GRM8: variants seen among roughly 807,000 people sequenced by gnomAD.
GRM8 encodes the protein metabotropic glutamate receptor 8.
In GRM8, 47 loss-of-function variants were observed where a neutral mutation model predicts 87.2. The ratio of observed to expected loss-of-function variants is 0.54; its 90% CI spans 0.43 to 0.69. The LOEUF (loss-of-function observed/expected upper bound fraction) is 0.69, where lower values mean the gene tolerates loss of function less well. GRM8 is among the 30% of genes least tolerant of loss of function. The pLI, the probability that GRM8 is intolerant of heterozygous loss-of-function variation, is 0.00. For missense variants in GRM8, 1,019 were observed against 1,139.2 expected, an observed-to-expected ratio of 0.89 and a Z score of 1.52; for synonymous variants, 396 against 404.5, an observed-to-expected ratio of 0.98 and a Z score of 0.25.
In GRM8 at chr7:127,216,535, CA is replaced by C. The variant is rs796757040; in HGVS notation, c.510+26159del. ...TCCGTCTCAAAAAAAAAAAAAAAAACAAAAAAAAAAAAAGAAGAAGCTGAGG... is the reference window on the plus strand; with the variant it reads ...TCCGTCTCAAAAAAAAAAAAAAAAACAAAAAAAAAAAAGAAGAAGCTGAGG... On this transcript the variant is annotated intron_variant, in intron 2 of 10. Coordinates refer to ENST00000339582, the MANE Select transcript of GRM8 (RefSeq NM_000845.3). 4.5e-3 allele frequency among the ~76,000 whole-genome samples: 523 copies of C among 115,938 alleles called. 1 individual carries two copies. Among genetic ancestry groups the C allele is most frequent in the Middle Eastern group, 0.018 (4 of 222 alleles). The allele number at this position is 115,938 out of a possible 152,430, so 76.1% of individuals were successfully genotyped here. A position where few individuals can be genotyped will look rare whatever the true frequency, so the allele number is the denominator to read the frequency against.
intron 7 of GRM8, among the ~76,000 whole-genome samples, chr7:126,654,854 CTTAA>C (rs1395603159): frequency 6.6e-6 from 1 of 151,962 alleles, no homozygotes; most frequent in Non-Finnish European, 1.5e-5. Context: ...CTTGGGAAAG[CTTAA>C]TTAATGAAGA....
rs1214997829 is a variant in GRM8, at chr7:126,576,646, T to C, written c.1494+32716A>G. Among the ~76,000 whole-genome samples the C allele has an allele frequency of 1.3e-5, 2 of 152,184 alleles. 1 individual carries two copies. Among genetic ancestry groups the C allele is most frequent in the Non-Finnish European group, 2.9e-5 (2 of 68,034 alleles). Reference sequence around the variant, plus strand: ...AAATCTCTTTCTTCTGTTAAACCTCTACAGAAATCCTCTATCAGCCCACAC... The same window carrying C: ...AAATCTCTTTCTTCTGTTAAACCTCCACAGAAATCCTCTATCAGCCCACAC... On this transcript the variant is annotated intron_variant, in intron 8 of 10. Transcript: ENST00000339582.
intron 7 of GRM8, among the ~76,000 whole-genome samples, chr7:126,618,327 T>G (rs1799749050): frequency 6.6e-6 from 1 of 152,172 alleles, no homozygotes; most frequent in African/African-American, 2.4e-5. Context: ...TAGCCATATG[T>G]AGAAAGCTCA....
At chr7:126,606,727 G>T (rs926870611) in intron 8 of GRM8, among the ~76,000 whole-genome samples, 1 of 152,090 alleles carries the variant, frequency 6.6e-6, no homozygotes, top group African/African-American at 2.4e-5. Flanking sequence ...AGTTATAAAT[G>T]ATCATAATCA....
intron 6 of GRM8, among the ~76,000 whole-genome samples, chr7:126,789,749 T>C (rs1821069798): frequency 6.6e-6 from 1 of 152,190 alleles, no homozygotes; most frequent in South Asian, 2.1e-4. Context: ...TCTAGTAAAA[T>C]AGAAAGTGCA....
chr7:126,617,066 A>G (rs1449159785), intron 7 of GRM8, among the ~76,000 whole-genome samples: 2 of 152,218 alleles, frequency 1.3e-5, no homozygotes, highest in African/African-American at 4.8e-5. Flanking sequence ...TGGCAGAGAC[A>G]CAACCAAAAA....
intron 2 of GRM8, among the ~76,000 whole-genome samples, chr7:127,184,709 A>G (rs1016409100): frequency 6.6e-6 from 1 of 151,960 alleles, no homozygotes; most frequent in Non-Finnish European, 1.5e-5. Flanking sequence ...CTTTATTCAC[A>G]ATTTTCTCTG....
At chr7:126,866,740 T>C (rs546952119) in intron 6 of GRM8, among the ~76,000 whole-genome samples, 1 of 151,792 alleles carries the variant, frequency 6.6e-6, no homozygotes, top group South Asian at 2.1e-4. Flanking sequence ...TACAGGTGCA[T>C]GCCACCATGC....
At chr7:127,008,002 C>T (rs2023640) in intron 3 of GRM8, among the ~76,000 whole-genome samples, 38,202 of 151,682 alleles carry the variant, frequency 0.25, 5,733 homozygotes, top group Non-Finnish European at 0.35. Context: ...CTGAAAATCA[C>T]CCACACTACT....
At chr7:127,032,012 GATT>G (rs1817423590) in intron 3 of GRM8, among the ~76,000 whole-genome samples, 1 of 152,062 alleles carries the variant, frequency 6.6e-6, no homozygotes, top group African/African-American at 2.4e-5. Flanking sequence ...CCAATTTGAA[GATT>G]ATTAGCTCTT....
chr7:126,530,568 A>G (rs6949287), intron 9 of GRM8, among the ~76,000 whole-genome samples: 56,026 of 152,086 alleles, frequency 0.37, 10,449 homozygotes, highest in Middle Eastern at 0.43. Flanking sequence ...AATGCTCAAT[A>G]AGGAGCTGCT....
chr7:126,883,421 TAAG>T (rs1800198249), intron 6 of GRM8, among the ~76,000 whole-genome samples: 1 of 152,194 alleles, frequency 6.6e-6, no homozygotes, highest in Admixed American at 6.6e-5. Context: ...AATTGTATGA[TAAG>T]AAGACATATG....
intron 7 of GRM8, among the ~76,000 whole-genome samples, chr7:126,690,673 G>A (rs1808707298): frequency 6.6e-6 from 1 of 152,144 alleles, no homozygotes; most frequent in Non-Finnish European, 1.5e-5. Context: ...TGGGTCTCCA[G>A]TTCTTGTCCC....
intron 3 of GRM8, among the ~76,000 whole-genome samples, chr7:126,950,899 A>G (rs1204567): frequency 0.44 from 66,547 of 150,724 alleles, 15,014 homozygotes; most frequent in East Asian, 0.67. Flanking sequence ...CAGCAGCTAC[A>G]TGTAGCAGCT....
rs544626838 is a variant in GRM8 at position 127,252,882 on chromosome 7, G to A, written c.-397C>T. On this transcript the variant is annotated 5_prime_UTR_variant, in exon 1 of 11. Transcript: ENST00000339582. This position sits in a 1 kb window ranked among gnomAD's most constrained non-coding sequence, Gnocchi z 4.9. ...CGCCGCCGCCGCCGCCGCCGCCGCC[G>A]CGTGAGGCGAGCACAGCGGCCGCAC... The A allele has an allele frequency of 3.2e-3, 701 of 220,618 alleles. 21 individuals carry two copies. In the South Asian group the frequency reaches 0.042, roughly 13 times the overall value. 13.7% of individuals were successfully genotyped at this position (220,618 alleles called of 1,614,324 possible). A position where few individuals can be genotyped will look rare whatever the true frequency, so the allele number is the denominator to read the frequency against.
intron 6 of GRM8, among the ~76,000 whole-genome samples, chr7:126,866,844 C>G (rs569875848): frequency 6.6e-6 from 1 of 152,156 alleles, no homozygotes; most frequent in East Asian, 1.9e-4. Flanking sequence ...CCCACCTCGG[C>G]CTCCCAAAGT....
intron 7 of GRM8, among the ~76,000 whole-genome samples, chr7:126,647,873 T>C (rs755374399): frequency 6.6e-5 from 10 of 152,154 alleles, no homozygotes; most frequent in Non-Finnish European, 1.3e-4. Flanking sequence ...ATTTTCTTCA[T>C]AGCAAACTAA....
intron 7 of GRM8, among the ~76,000 whole-genome samples, chr7:126,622,130 T>A (rs1800243905): frequency 6.6e-6 from 1 of 152,214 alleles, no homozygotes; most frequent in African/African-American, 2.4e-5. Context: ...AATTTTATTG[T>A]CTGACAAGAC....
At chr7:127,105,939 T>G (rs1485265274) in intron 3 of GRM8, among the ~76,000 whole-genome samples, 1 of 152,172 alleles carries the variant, frequency 6.6e-6, no homozygotes, top group Non-Finnish European at 1.5e-5. Context: ...AGCACCTTGT[T>G]GTAAACAAGT....
Sources: allele counts gnomAD v4.1 joint callset (sites outside exome capture counted in the v4.1 genomes callset), GRCh38; gene constraint gnomAD v4.1.1; non-coding constraint Gnocchi (gnomAD v3.1); transcripts MANE v1.5; gene names NCBI Gene and HGNC (gene_info 2026-07-23, HGNC 2026-07-21).